PCDH15: variants seen among roughly 807,000 people sequenced by gnomAD.
The protein encoded by PCDH15 is protocadherin-15.
Under a neutral mutation model 178.5 loss-of-function variants are expected in PCDH15, and 129 were observed. The ratio of observed to expected loss-of-function variants is 0.72; its 90% CI spans 0.63 to 0.84. The LOEUF (loss-of-function observed/expected upper bound fraction) is 0.84, where lower values mean the gene tolerates loss of function less well. Among genes scored for constraint, PCDH15 ranks in the 40% least tolerant of loss-of-function variants. The pLI, the probability that PCDH15 is intolerant of heterozygous loss-of-function variation, is 0.00. For synonymous variants in PCDH15, 800 were observed against 732.0 expected (o/e 1.09, Z -1.50); for missense variants, 2,230 against 2,099.9 (o/e 1.06, Z -1.21).
intron 2 of PCDH15, among the ~76,000 whole-genome samples, chr10:55,544,753 T>C (rs1841841568): frequency 1.3e-5 from 2 of 152,084 alleles, no homozygotes; most frequent in Non-Finnish European, 2.9e-5. Context: ...TTGTCATCAA[T>C]ACACAGGCAT....
intron 18 of PCDH15, among the ~76,000 whole-genome samples, chr10:54,063,171 C>T (rs2094066086): frequency 6.6e-6 from 1 of 152,180 alleles, no homozygotes; most frequent in African/African-American, 2.4e-5. Context: ...TTATAAAATA[C>T]AAATCAGATG....
chr10:55,131,599 G>T (rs1466558054), intron 2 of PCDH15, among the ~76,000 whole-genome samples: 1 of 152,144 alleles, frequency 6.6e-6, no homozygotes, highest in Non-Finnish European at 1.5e-5. Flanking sequence ...GTGAAGAGAT[G>T]CTTTATTGAG....
chr10:54,858,462 G>T (rs1372638021), intron 3 of PCDH15, among the ~76,000 whole-genome samples: 1 of 152,084 alleles, frequency 6.6e-6, no homozygotes, highest in Admixed American at 6.6e-5. Flanking sequence ...GCAAATCTGG[G>T]ATTAGGCCCT....
intron 15 of PCDH15, among the ~76,000 whole-genome samples, chr10:54,090,912 A>G (rs2094590466): frequency 6.6e-6 from 1 of 152,170 alleles, no homozygotes; most frequent in Admixed American, 6.5e-5. Context: ...GGTTTAATTG[A>G]AATAATATAT....
chr10:54,553,006 A>AT (rs1162019566), intron 2 of PCDH15, among the ~76,000 whole-genome samples: 2 of 152,104 alleles, frequency 1.3e-5, no homozygotes, highest in Admixed American at 6.6e-5. Flanking sequence ...TATGTCATGG[A>AT]TTTTTTCCAT....
chr10:54,627,639 A>G (rs1480528666), intron 2 of PCDH15, among the ~76,000 whole-genome samples: 1 of 152,158 alleles, frequency 6.6e-6, no homozygotes, highest in Non-Finnish European at 1.5e-5. Flanking sequence ...CAGCAGTGTG[A>G]AAATGGACTA....
At chr10:54,779,394 C>CTA (rs1293157159) in intron 1 of PCDH15, among the ~76,000 whole-genome samples, 2 of 104,080 alleles carry the variant, frequency 1.9e-5, no homozygotes, top group South Asian at 3.7e-4. Context: ...CTCTCTCTCT[C>CTA]TATATATATA....
At chr10:54,963,443 C>T (rs757841949) in intron 2 of PCDH15, among the ~76,000 whole-genome samples, 3 of 152,044 alleles carry the variant, frequency 2.0e-5, no homozygotes, top group Non-Finnish European at 4.4e-5. Flanking sequence ...TTTTACCTCC[C>T]GTATTTTTGT....
At chr10:54,533,136 G>A (rs1204264188) in intron 2 of PCDH15, among the ~76,000 whole-genome samples, 1 of 152,032 alleles carries the variant, frequency 6.6e-6, no homozygotes, top group Non-Finnish European at 1.5e-5. Context: ...GAAATTTTTG[G>A]TCTTTATTTA....
intron 2 of PCDH15, among the ~76,000 whole-genome samples, chr10:55,529,041 G>C (rs1202059401): frequency 6.6e-6 from 1 of 152,040 alleles, no homozygotes; most frequent in African/African-American, 2.4e-5. Flanking sequence ...AGAAGTGTCT[G>C]TTCATATCCT....
At chr10:54,203,486 G>A (rs2050460898) in intron 10 of PCDH15, among the ~76,000 whole-genome samples, 2 of 152,252 alleles carry the variant, frequency 1.3e-5, no homozygotes, top group Non-Finnish European at 2.9e-5. Context: ...AAAAAAAGCA[G>A]AGAGAAGGTA....
intron 2 of PCDH15, among the ~76,000 whole-genome samples, chr10:55,092,913 AT>A (rs1842352559): frequency 6.6e-6 from 1 of 151,990 alleles, no homozygotes; most frequent in South Asian, 2.1e-4. Flanking sequence ...GATGTTACTC[AT>A]TTTTAATACA....
chr10:54,249,113 T>C (rs1384902885), intron 8 of PCDH15, among the ~76,000 whole-genome samples: 1 of 152,068 alleles, frequency 6.6e-6, no homozygotes, highest in African/African-American at 2.4e-5. Flanking sequence ...ATATTTAAGG[T>C]ATTTTGTATC....
chr10:55,484,438 G>A (rs1589070974), intron 2 of PCDH15, among the ~76,000 whole-genome samples: 2 of 151,708 alleles, frequency 1.3e-5, no homozygotes, highest in Admixed American at 1.3e-4. Flanking sequence ...CTATGAAGTG[G>A]AAGAATTAAT....
chr10:53,996,987 G>C (rs921299750), intron 20 of PCDH15, among the ~76,000 whole-genome samples: 8 of 152,020 alleles, frequency 5.3e-5, no homozygotes, highest in African/African-American at 1.9e-4. Context: ...TAAATTAACA[G>C]ATCTCAAACT....
At chr10:54,122,820 TAAATCTAACCAAGGA>T (rs1292830802) in intron 15 of PCDH15, among the ~76,000 whole-genome samples, 1 of 148,492 alleles carries the variant, frequency 6.7e-6, no homozygotes, top group Non-Finnish European at 1.5e-5. Flanking sequence ...TACCTAGGCA[TAAATCTAACCAAGGA>T]GGTAAAAGAT....
Position 53,943,392 on chromosome 10 carries a change from C to T in PCDH15, c.3123-2417G>A. ...TCGGGAGGATGAGACATGAGAATTGCTTGAACCTGGGAGGCGGAGGTTGCA... is the reference window on the plus strand; with the variant it reads ...TCGGGAGGATGAGACATGAGAATTGTTTGAACCTGGGAGGCGGAGGTTGCA... On this transcript the variant is annotated intron_variant, in intron 23 of 37. Coordinates refer to ENST00000644397, the MANE Select transcript of PCDH15 (RefSeq NM_001384140.1). Among the ~76,000 whole-genome samples the T allele has an allele frequency of 1.3e-5, 2 of 151,952 alleles. 1 individual carries two copies.
At chr10:54,146,924 A>ATATATATAGTG (rs1564530297) in intron 14 of PCDH15, among the ~76,000 whole-genome samples, 2 of 73,382 alleles carry the variant, frequency 2.7e-5, no homozygotes, top group Non-Finnish European at 2.8e-5. Flanking sequence ...TATATAGTGT[A>ATATATATAGTG]TATATATATA....
At chr10:54,585,544 G>A (rs528411782) in intron 2 of PCDH15, 13 of 231,866 alleles carry the variant, frequency 5.6e-5, no homozygotes, top group East Asian at 4.6e-4. Flanking sequence ...CTTCATAGCT[G>A]TAGGCTAACC....
Sources: allele counts gnomAD v4.1 joint callset (sites outside exome capture counted in the v4.1 genomes callset), GRCh38; gene constraint gnomAD v4.1.1; transcripts MANE v1.5; gene names NCBI Gene and HGNC (gene_info 2026-07-23, HGNC 2026-07-21).